SLCO2A1: variants seen among roughly 807,000 people sequenced by gnomAD.
The protein encoded by SLCO2A1 is solute carrier organic anion transporter family member 2A1, also known as matrin F/G 1.
A neutral mutation model predicts 71.7 loss-of-function variants in SLCO2A1; 60 were observed. That is an observed-to-expected ratio of 0.84 (90% CI 0.68 to 1.04). SLCO2A1 has a LOEUF of 1.04. Ranked by LOEUF, SLCO2A1 falls within the 50% of genes least tolerant of loss-of-function variation. SLCO2A1 has a pLI of 0.00. For missense variants in SLCO2A1, 745 were observed against 813.4 expected (o/e 0.92, Z 1.02); for synonymous variants, 308 against 326.7 (o/e 0.94, Z 0.62).
chr3:134,022,428 T>C (rs1935608515), intron 1 of SLCO2A1, among the ~76,000 whole-genome samples: 1 of 152,112 alleles, frequency 6.6e-6, no homozygotes, highest in African/African-American at 2.4e-5. Flanking sequence ...TTAAAAAAAA[T>C]TATTGTTTTG....
chr3:133,954,609 C>T (rs1238332778), intron 4 of SLCO2A1, among the ~76,000 whole-genome samples: 1 of 152,182 alleles, frequency 6.6e-6, no homozygotes, highest in Non-Finnish European at 1.5e-5. Context: ...AAGGACTAGT[C>T]AGAGAGCAAC....
chr3:133,980,349 C>T (rs142003017), intron 1 of SLCO2A1, among the ~76,000 whole-genome samples: 141 of 149,174 alleles, frequency 9.5e-4, no homozygotes, highest in African/African-American at 3.3e-3. Context: ...CACCTGGCCT[C>T]GTACCTGGTC....
At chr3:133,985,055 A>G (rs924449763) in intron 1 of SLCO2A1, among the ~76,000 whole-genome samples, 9 of 151,772 alleles carry the variant, frequency 5.9e-5, no homozygotes, top group Admixed American at 3.3e-4. Context: ...AGCTACCTCC[A>G]CTCCCTCCTC....
Position 133,955,069 on chromosome 3 carries a change from C to G in SLCO2A1, c.522G>C (p.Val174=). 1 of 1,614,178 alleles carries G rather than the reference C, an allele frequency of 6.2e-7. No homozygotes were observed. Among genetic ancestry groups the G allele is most frequent in the Non-Finnish European group, 8.5e-7 (1 of 1,180,022 alleles). ...CGATGCCAGCCAGCAGCTGGGCAAC[C>G]ACCATCAGGCCCCACATGCTGCTGG... ...KETSSMWGLM[V]VAQLLAGIGT... is the part of the protein sequence containing the mutation. Residue 174 remains valine, a synonymous_variant, in exon 4 of 14, where the codon GTG becomes GTC. Transcript: ENST00000310926.
Position 133,986,591 on chromosome 3 carries a change from A to G in SLCO2A1, c.97-6973T>C, listed in dbSNP as rs555656876. 2.0e-5 allele frequency among the ~76,000 whole-genome samples: 3 copies of G among 152,326 alleles called. No individual in the cohort carries two copies. In the East Asian group the frequency reaches 5.8e-4, roughly 29 times the overall value. ...CCTCATTCATTCTCCAATCCTAACA[A>G]ACATATAAAGAGGAAGGAAGCGGGG... is the stretch of plus-strand genomic sequence containing the variant. On this transcript the variant is annotated intron_variant, in intron 1 of 13. Transcript: ENST00000310926.
chr3:133,945,197 A>G lies in SLCO2A1; in HGVS notation c.1359T>C (p.Ser453=). The G allele has an allele frequency of 6.2e-7, 1 of 1,614,210 alleles. No individual in the cohort carries two copies. Among genetic ancestry groups the G allele is most frequent in the Non-Finnish European group, 8.5e-7 (1 of 1,180,032 alleles). The part of the protein sequence containing the change: ...ACRRDCSCPD[S]IFHPVCGDNG... ...TGTCTCCACAGACCGGGTGGAAGATAGAATCTGGGCACGAGCAGTCCCTGC... is the reference window on the plus strand; with the variant it reads ...TGTCTCCACAGACCGGGTGGAAGATGGAATCTGGGCACGAGCAGTCCCTGC... Residue 453 remains serine (S), a synonymous_variant, in exon 10 of 14, where the codon TCT becomes TCC. Coordinates refer to ENST00000310926, the MANE Select transcript of SLCO2A1 (RefSeq NM_005630.3).
At chr3:134,025,603 A>G (rs1385660413) in intron 1 of SLCO2A1, among the ~76,000 whole-genome samples, 1 of 152,186 alleles carries the variant, frequency 6.6e-6, no homozygotes, top group African/African-American at 2.4e-5. Flanking sequence ...GTCATAAATT[A>G]AGACTGTGTG....
chr3:134,000,706 T>C (rs1344878175), intron 1 of SLCO2A1, among the ~76,000 whole-genome samples: 1 of 152,146 alleles, frequency 6.6e-6, no homozygotes, highest in Non-Finnish European at 1.5e-5. Context: ...CCAAGACCAA[T>C]CCCCAATTTA....
chr3:134,029,278 G>C (rs1243123997), intron 1 of SLCO2A1, among the ~76,000 whole-genome samples: 1 of 152,002 alleles, frequency 6.6e-6, no homozygotes. Context: ...AAGCGCGGGG[G>C]GTCCCCCTGG....
intron 3 of SLCO2A1, among the ~76,000 whole-genome samples, chr3:133,970,327 A>T (rs1238693760): frequency 1.3e-5 from 2 of 152,130 alleles, no homozygotes; most frequent in African/African-American, 2.4e-5. Context: ...GCTCGAGCCC[A>T]CTTGGGAGTC....
chr3:133,941,013 G>T (rs773329254), intron 11 of SLCO2A1, among the ~76,000 whole-genome samples: 13 of 152,166 alleles, frequency 8.5e-5, no homozygotes, highest in Non-Finnish European at 1.5e-4. Context: ...GGATTTGGGG[G>T]TCAAGGATAA....
At chr3:133,944,810 G>A (rs1933521290) in intron 10 of SLCO2A1, among the ~76,000 whole-genome samples, 1 of 152,246 alleles carries the variant, frequency 6.6e-6, no homozygotes, top group Non-Finnish European at 1.5e-5. Flanking sequence ...AGCTGAAGGA[G>A]TGCTTTGACT....
At chr3:133,998,856 C>A (rs746950458) in intron 1 of SLCO2A1, 1 of 152,306 alleles carries the variant, frequency 6.6e-6, no homozygotes, top group Non-Finnish European at 1.5e-5. Flanking sequence ...TCCCAGCACA[C>A]ATCCCTGGAA....
At chr3:133,956,724 T>A (rs866595387) in intron 3 of SLCO2A1, among the ~76,000 whole-genome samples, 1 of 152,208 alleles carries the variant, frequency 6.6e-6, no homozygotes, top group Non-Finnish European at 1.5e-5. Context: ...GGTGAAAATA[T>A]AGCCTTTTTT....
At chr3:133,955,287 G>A in intron 3 of SLCO2A1, 94 bp from the exon 4 acceptor site, 2 of 1,107,466 alleles carry the variant, frequency 1.8e-6, no homozygotes, top group Non-Finnish European at 2.6e-6. Flanking sequence ...GCCCCTTGGG[G>A]AAGGACCAAC....
At chr3:133,971,325 G>A (rs1559940871) in intron 3 of SLCO2A1, among the ~76,000 whole-genome samples, 2 of 152,250 alleles carry the variant, frequency 1.3e-5, no homozygotes, top group Non-Finnish European at 2.9e-5. Flanking sequence ...AGACCAAGGG[G>A]GAGAAAGTGT....
rs60831557 is a variant in SLCO2A1 at position 133,938,606 on chromosome 3, G to A, written c.1626-113C>T. 3.4e-3 allele frequency: 3,149 copies of A among 914,568 alleles called. 13 individuals are homozygous for A. Among genetic ancestry groups the A allele is most frequent in the Non-Finnish European group, 4.0e-3 (2,232 of 553,166 alleles). 56.7% of individuals were successfully genotyped at this position (914,568 alleles called of 1,614,324 possible). On this transcript the variant is annotated intron_variant, in intron 11 of 13. Coordinates refer to ENST00000310926, the MANE Select transcript of SLCO2A1 (RefSeq NM_005630.3). ...AGAACCAGCCCTGATGTGGCCTGAC[G>A]AGCCCTCTGGTGACCGGGTTCACCT... is the stretch of plus-strand genomic sequence containing the variant.
intron 1 of SLCO2A1, among the ~76,000 whole-genome samples, chr3:133,980,161 G>A (rs76866840): frequency 0.028 from 4,272 of 152,272 alleles, 191 homozygotes; most frequent in African/African-American, 0.097. Context: ...CTCCAGTAAG[G>A]CACCATGATG....
In SLCO2A1 at chr3:133,942,741, C is replaced by T. The variant is rs201991746; in HGVS notation, c.1489G>A (p.Gly497Arg). ...LIYLNCSCVTGGSASAKTGSC... is the reference protein window; with the variant it reads ...LIYLNCSCVTRGSASAKTGSC... ...CCTGTCTTTGCTGAAGCGGATCCCC[C>T]GGTCACACAGCTGCAGTTCAAATAG... The change falls in exon 11 of 14, where the codon GGG becomes AGG. Residue 497 changes from glycine (G) to arginine (R), a missense_variant. Gly to Arg is a moderately radical substitution (Grantham distance 125). Transcript: ENST00000310926. 65 of 1,608,568 alleles carry T rather than the reference C, an allele frequency of 4.0e-5. No individual in the cohort carries two copies. The highest frequency in any genetic ancestry group is 2.2e-5 in the East Asian group (1 of 44,748).
Sources: allele counts gnomAD v4.1 joint callset (sites outside exome capture counted in the v4.1 genomes callset), GRCh38; gene constraint gnomAD v4.1.1; transcripts MANE v1.5; gene names NCBI Gene and HGNC (gene_info 2026-07-23, HGNC 2026-07-21).